The following GNAT3 variants were observed in gnomAD, a reference collection of about 807,000 sequenced individuals.
GNAT3 encodes the protein G protein subunit alpha transducin 3.
A neutral mutation model predicts 37.7 loss-of-function variants in GNAT3; 31 were observed. The ratio of observed to expected loss-of-function variants is 0.82; its 90% CI spans 0.62 to 1.11. The LOEUF is 1.11. Ranked by LOEUF, GNAT3 falls within the 50% of genes most tolerant of loss-of-function variation. The pLI is 0.00. For synonymous variants in GNAT3, 138 were observed against 139.8 expected (o/e 0.99, Z 0.09); for missense variants, 437 against 412.5 (o/e 1.06, Z -0.51).
chr7:80,494,534 T>C, intron 2 of GNAT3, 71 bp downstream of exon 2: 1 of 808,398 alleles, frequency 1.2e-6, no homozygotes, highest in Non-Finnish European at 2.0e-6. Context: ...TACAAAAGCA[T>C]GTATTTTAAG....
intron 1 of GNAT3, among the ~76,000 whole-genome samples, chr7:80,498,432 A>G (rs1304990051): frequency 2.0e-5 from 3 of 152,158 alleles, no homozygotes; most frequent in Non-Finnish European, 2.9e-5. Flanking sequence ...TGCTTTATGT[A>G]GTGACTTCAG....
At position 80,458,831 on chromosome 7, in the gene GNAT3, T is replaced by C; in HGVS notation, c.905A>G (p.Tyr302Cys). The change falls in exon 8 of 8, where the codon TAC becomes TGC. Residue 302 changes from tyrosine to cysteine, a missense_variant. By Grantham distance (194) the Tyr-to-Cys change is radical. Transcript: ENST00000398291. ...GPNTFEDAGNYIKNQFLDLNL... is the reference protein window; with the variant it reads ...GPNTFEDAGNCIKNQFLDLNL... ...CAGGTCTAGAAACTGGTTCTTGATG[T>C]AGTTTCCTGCATCTTCAAATGTATT... The C allele has an allele frequency of 6.3e-7, 1 of 1,590,030 alleles. No individual in the cohort carries two copies. The highest frequency in any genetic ancestry group is 1.2e-5 in the South Asian group (1 of 85,740).
intron 1 of GNAT3, among the ~76,000 whole-genome samples, chr7:80,499,478 G>C (rs1449962741): frequency 1.3e-5 from 2 of 151,988 alleles, no homozygotes; most frequent in Admixed American, 1.3e-4. Context: ...TTGGCCTCCT[G>C]GCCTCAAGCA....
At chr7:80,472,611 C>T (rs1035840973) in intron 5 of GNAT3, among the ~76,000 whole-genome samples, 3 of 152,006 alleles carry the variant, frequency 2.0e-5, no homozygotes, top group Admixed American at 1.3e-4. Flanking sequence ...TGAGACAATA[C>T]CAAATTGGTT....
At chr7:80,468,148 G>T (rs183777909) in intron 5 of GNAT3, among the ~76,000 whole-genome samples, 1 of 152,052 alleles carries the variant, frequency 6.6e-6, no homozygotes, top group Admixed American at 6.6e-5. Flanking sequence ...GAGTTTTACG[G>T]CTTTATATTA....
intron 5 of GNAT3, among the ~76,000 whole-genome samples, chr7:80,468,561 A>G (rs550863109): frequency 3.1e-4 from 47 of 152,218 alleles, no homozygotes; most frequent in African/African-American, 1.1e-3. Flanking sequence ...CGCAGTTGTT[A>G]TAATTTCTCA....
chr7:80,477,576 A>T (rs1383024303), intron 4 of GNAT3, among the ~76,000 whole-genome samples: 1 of 152,168 alleles, frequency 6.6e-6, no homozygotes. Context: ...TTTTTTCTCT[A>T]GAGTTTATAT....
chr7:80,482,545 G>T (rs1333204645), intron 3 of GNAT3, among the ~76,000 whole-genome samples: 1 of 149,516 alleles, frequency 6.7e-6, no homozygotes, highest in Non-Finnish European at 1.5e-5. Context: ...ACGGAGTCTT[G>T]CTCTGTCATG....
intron 1 of GNAT3, among the ~76,000 whole-genome samples, chr7:80,506,657 T>C (rs930249032): frequency 2.6e-5 from 4 of 152,264 alleles, no homozygotes; most frequent in Admixed American, 1.3e-4. Flanking sequence ...TCCACTTCAC[T>C]GAGAAGCAGT....
Position 80,512,029 on chromosome 7 carries a change from T to C in GNAT3, c.-103A>G. The C allele has an allele frequency of 1.4e-6, 1 of 716,370 alleles. No individual in the cohort carries two copies. The highest frequency in any genetic ancestry group is 2.8e-5 in the East Asian group (1 of 36,198). 44.4% of individuals were successfully genotyped at this position (716,370 alleles called of 1,614,324 possible). A position where few individuals can be genotyped will look rare whatever the true frequency, so the allele number is the denominator to read the frequency against. On this transcript the variant is annotated 5_prime_UTR_variant, in exon 1 of 8. Transcript: ENST00000398291. ...AGGCAAGAGTAATGCTCTGCTGAAG[T>C]ACCTAGCAGTCCATTCCCTAATGCT...
At chr7:80,497,599 T>G (rs1254671261) in intron 1 of GNAT3, among the ~76,000 whole-genome samples, 1 of 119,908 alleles carries the variant, frequency 8.3e-6, no homozygotes, top group Admixed American at 7.6e-5. Context: ...TATACGTATA[T>G]ACATATACGT....
chr7:80,465,565 A>G lies in GNAT3; in HGVS notation c.591-2934T>C, dbSNP rs151028622. On this transcript the variant is annotated intron_variant, in intron 5 of 7. Coordinates refer to ENST00000398291, the MANE Select transcript of GNAT3 (RefSeq NM_001102386.3). The stretch of plus-strand genomic sequence containing the variant: ...GATAGGTTCGATAGATTCCGTGGCT[A>G]TGATAGCTATGCTGTGAAAGTTGTT... Among the ~76,000 whole-genome samples the G allele has an allele frequency of 1.9e-3, 296 of 152,214 alleles. 6 individuals are homozygous for G. Among genetic ancestry groups the G allele is most frequent in the East Asian group, 4.8e-3 (25 of 5,172 alleles).
chr7:80,475,737 T>C (rs1264047365), intron 4 of GNAT3, among the ~76,000 whole-genome samples: 2 of 152,124 alleles, frequency 1.3e-5, no homozygotes, highest in East Asian at 1.9e-4. Flanking sequence ...TTAATATAGG[T>C]AATTTATTCT....
At chr7:80,466,098 A>T (rs1473123) in intron 5 of GNAT3, among the ~76,000 whole-genome samples, 42,639 of 151,958 alleles carry the variant, frequency 0.28, 6,877 homozygotes, top group East Asian at 0.59. Context: ...AGGGGGGGAA[A>T]ATAAAAAACC....
intron 6 of GNAT3, 42 bp downstream of exon 6, chr7:80,462,460 A>G: frequency 6.2e-7 from 1 of 1,604,540 alleles, no homozygotes; most frequent in Non-Finnish European, 8.5e-7. Context: ...AAAAGCACAA[A>G]GATTACTTTT....
At chr7:80,495,380 T>C (rs1242791348) in intron 1 of GNAT3, among the ~76,000 whole-genome samples, 1 of 152,128 alleles carries the variant, frequency 6.6e-6, no homozygotes, top group African/African-American at 2.4e-5. Flanking sequence ...TCTACATCGC[T>C]GCCAGTATCT....
At chr7:80,483,425 C>G (rs966331935) in intron 3 of GNAT3, among the ~76,000 whole-genome samples, 1 of 151,958 alleles carries the variant, frequency 6.6e-6, no homozygotes, top group Non-Finnish European at 1.5e-5. Context: ...ATATATAACA[C>G]CAAAATGTAT....
intron 5 of GNAT3, among the ~76,000 whole-genome samples, chr7:80,464,862 C>G (rs1462969161): frequency 6.6e-6 from 1 of 151,912 alleles, no homozygotes; most frequent in Admixed American, 6.6e-5. Flanking sequence ...AAGCAGTAGA[C>G]TAAAAGAGAA....
chr7:80,490,392 C>G (rs1790569387), intron 2 of GNAT3, among the ~76,000 whole-genome samples: 1 of 152,138 alleles, frequency 6.6e-6, no homozygotes, highest in African/African-American at 2.4e-5. Context: ...TATAAGAAGG[C>G]AGAGCATATA....
Sources: gnomAD v4.1 joint callset for allele counts (sites outside exome capture counted in the v4.1 genomes callset) on GRCh38, gnomAD v4.1.1 for gene constraint, MANE v1.5 for transcripts, NCBI Gene and HGNC (gene_info 2026-07-23, HGNC 2026-07-21) for gene names.